Variants in BRAF observed in about 807,000 individuals in gnomAD.
BRAF encodes the protein B-Raf proto-oncogene, serine/threonine kinase.
Under a neutral mutation model 104.6 loss-of-function variants are expected in BRAF, and 16 were observed. That is an observed-to-expected ratio of 0.15 (90% CI 0.10 to 0.23). BRAF has a LOEUF of 0.23. Among genes scored for constraint, BRAF ranks in the 10% least tolerant of loss-of-function variants. The probability of loss-of-function intolerance (pLI) is 1.00; values close to 1 mark genes in which losing one functional copy is unlikely to be tolerated. For synonymous variants in BRAF, 310 were observed against 341.6 expected (o/e 0.91, Z 1.02); for missense variants, 541 against 937.3 (o/e 0.58, Z 5.52).
chr7:140,725,360 T>G lies in BRAF; in HGVS notation c.*1134A>C, dbSNP rs1041652479. 1 of 984,948 alleles carries G rather than the reference T, an allele frequency of 1.0e-6. No homozygotes were observed. The highest frequency in any genetic ancestry group is 1.2e-6 in the Non-Finnish European group (1 of 813,024). The allele number at this position is 984,948 out of a possible 1,614,324, so 61.0% of individuals were successfully genotyped here. On this transcript the variant is annotated 3_prime_UTR_variant, in exon 20 of 20. Coordinates refer to ENST00000644969, the MANE Select transcript of BRAF (RefSeq NM_001374258.1). ...TAGGTAGAGAAAAGGATAATGATCT[T>G]TCTTAAAAGTTGTTTATATAACAAA...
At chr7:140,857,929 G>A (rs1809985248) in intron 1 of BRAF, among the ~76,000 whole-genome samples, 4 of 152,064 alleles carry the variant, frequency 2.6e-5, no homozygotes, top group Admixed American at 2.6e-4. Flanking sequence ...CACTGTAGGG[G>A]ATTATTACAC....
Position 140,878,827 on chromosome 7 carries a change from T to C in BRAF, c.139-28615A>G, listed in dbSNP as rs116610561. 8.7e-3 allele frequency among the ~76,000 whole-genome samples: 1,323 copies of C among 152,290 alleles called. 23 individuals carry two copies. Among genetic ancestry groups the C allele is most frequent in the African/African-American group, 0.03 (1,246 of 41,552 alleles). ...TTCAGCATTGCGCACTGTATACCTATATCAAAATATCACACGTACCCCAGA... is the reference window on the plus strand; with the variant it reads ...TTCAGCATTGCGCACTGTATACCTACATCAAAATATCACACGTACCCCAGA... On this transcript the variant is annotated intron_variant, in intron 1 of 19. Transcript: ENST00000644969.
At chr7:140,785,928 AC>A (rs1284681236) in intron 9 of BRAF, 1 of 395,256 alleles carries the variant, frequency 2.5e-6, no homozygotes, top group African/African-American at 2.1e-5. Flanking sequence ...ATAATTCTGG[AC>A]CAAAAATCTG....
intron 18 of BRAF, among the ~76,000 whole-genome samples, chr7:140,737,518 C>T (rs1796538701): frequency 6.6e-6 from 1 of 152,146 alleles, no homozygotes; most frequent in Admixed American, 6.5e-5. Flanking sequence ...TTGTTTGTTA[C>T]TTATTGATTT....
intron 14 of BRAF, among the ~76,000 whole-genome samples, chr7:140,767,112 A>C (rs535746513): frequency 1.3e-5 from 2 of 151,886 alleles, no homozygotes; most frequent in African/African-American, 2.4e-5. Context: ...CTAGAGATCC[A>C]CTTGTCTCAG....
At chr7:140,822,955 T>C (rs1170758244) in intron 3 of BRAF, among the ~76,000 whole-genome samples, 1 of 152,138 alleles carries the variant, frequency 6.6e-6, no homozygotes, top group Non-Finnish European at 1.5e-5. Context: ...CTCAGGTAGC[T>C]AGGACTACAG....
chr7:140,714,528 T>C (rs970890427), downstream of BRAF, among the ~76,000 whole-genome samples: 2 of 152,090 alleles, frequency 1.3e-5, no homozygotes, highest in African/African-American at 2.4e-5. Context: ...CCACCACACT[T>C]GGCTAATGTG....
intron 1 of BRAF, among the ~76,000 whole-genome samples, chr7:140,893,000 G>C (rs1038610982): frequency 2.0e-5 from 3 of 152,154 alleles, no homozygotes; most frequent in Admixed American, 2.0e-4. Context: ...CATCGAACAG[G>C]AATCTATTTG....
intron 7 of BRAF, among the ~76,000 whole-genome samples, chr7:140,796,399 T>C (rs1024635499): frequency 2.0e-5 from 3 of 150,648 alleles, no homozygotes; most frequent in Admixed American, 1.3e-4. Flanking sequence ...ATAACTAGAA[T>C]TGCATAAGAT....
At chr7:140,897,158 G>A (rs969853454) in intron 1 of BRAF, among the ~76,000 whole-genome samples, 4 of 150,866 alleles carry the variant, frequency 2.7e-5, no homozygotes, top group East Asian at 1.9e-4. Flanking sequence ...TATGTTTGCC[G>A]CAAATAAACA....
chr7:140,899,399 T>C (rs756856448), intron 1 of BRAF, among the ~76,000 whole-genome samples: 16 of 152,156 alleles, frequency 1.1e-4, no homozygotes, highest in African/African-American at 3.9e-4. Flanking sequence ...GTGAGTGGTA[T>C]TGCTGGTTAT....
chr7:140,821,014 T>C (rs1379616116), intron 3 of BRAF, among the ~76,000 whole-genome samples: 1 of 152,244 alleles, frequency 6.6e-6, no homozygotes, highest in Non-Finnish European at 1.5e-5. Flanking sequence ...AGAAAGTCTT[T>C]TTTTAAGACA....
At chr7:140,739,527 G>A (rs1303241295) in intron 18 of BRAF, among the ~76,000 whole-genome samples, 5 of 142,258 alleles carry the variant, frequency 3.5e-5, no homozygotes, top group African/African-American at 1.1e-4. Context: ...TGTGGGGGGG[G>A]GGGTCTTCGA....
intron 1 of BRAF, among the ~76,000 whole-genome samples, chr7:140,877,212 G>A (rs562011191): frequency 6.8e-6 from 1 of 147,460 alleles, no homozygotes; most frequent in East Asian, 2.0e-4. Context: ...CTAAATCTGT[G>A]GGATGCAAAT....
rs561439483 is a variant in BRAF at position 140,719,833 on chromosome 7, G to A, written c.*6661C>T. 3.3e-3 allele frequency: 3,560 copies of A among 1,063,124 alleles called. 13 individuals are homozygous for A. Among genetic ancestry groups the A allele is most frequent in the Non-Finnish European group, 3.8e-3 (3,352 of 877,886 alleles). The allele number at this position is 1,063,124 out of a possible 1,614,324, so 65.9% of individuals were successfully genotyped here. The stretch of plus-strand genomic sequence containing the variant: ...TCACTGGGCACGCCCCAGACTCCAC[G>A]AGAACCTTTTCAATGCTTGAGTGGA... On this transcript the variant is annotated 3_prime_UTR_variant, in exon 20 of 20. Transcript: ENST00000644969.
chr7:140,904,701 T>C (rs1816095841), intron 1 of BRAF, among the ~76,000 whole-genome samples: 1 of 152,128 alleles, frequency 6.6e-6, no homozygotes, highest in Admixed American at 6.6e-5. Flanking sequence ...CTCTGCCTCC[T>C]GGGTTCAAGC....
At chr7:140,819,607 T>C (rs1255563333) in intron 3 of BRAF, among the ~76,000 whole-genome samples, 1 of 152,146 alleles carries the variant, frequency 6.6e-6, no homozygotes, top group Non-Finnish European at 1.5e-5. Context: ...GATAAATGTG[T>C]AAACAAAATG....
intron 7 of BRAF, among the ~76,000 whole-genome samples, chr7:140,795,507 T>C (rs1802408438): frequency 6.6e-6 from 1 of 152,096 alleles, no homozygotes; most frequent in Admixed American, 6.5e-5. Flanking sequence ...AAAGACAATG[T>C]TGAGGGAATA....
At chr7:140,727,188 T>TTC in intron 19 of BRAF, among the ~76,000 whole-genome samples, 2 of 149,528 alleles carry the variant, frequency 1.3e-5, no homozygotes, top group African/African-American at 2.5e-5. Flanking sequence ...TTTTTTTCTT[T>TTC]TTTTTTTTTT....
Sources: allele counts gnomAD v4.1 joint callset (sites outside exome capture counted in the v4.1 genomes callset), GRCh38; gene constraint gnomAD v4.1.1; transcripts MANE v1.5; gene names NCBI Gene and HGNC (gene_info 2026-07-23, HGNC 2026-07-21).